Variants in ULK4 observed in about 807,000 individuals in gnomAD.
ULK4 encodes the protein inactive serine/threonine-protein kinase ULK4.
Under a neutral mutation model 160.6 loss-of-function variants are expected in ULK4, and 133 were observed. That is an observed-to-expected ratio of 0.83 (90% CI 0.72 to 0.96). The LOEUF is 0.96. ULK4 is among the 40% of genes least tolerant of loss of function. ULK4 has a pLI of 0.00. For synonymous variants in ULK4, 534 were observed against 539.8 expected (o/e 0.99, Z 0.15); for missense variants, 1,580 against 1,499.5 (o/e 1.05, Z -0.89).
chr3:41,911,769 C>G (rs563436302), intron 9 of ULK4, 110 bp from the exon 10 acceptor site: 1 of 802,300 alleles, frequency 1.2e-6, no homozygotes, highest in Admixed American at 2.3e-5. Flanking sequence ...TGACATTTAG[C>G]AAAGTTACAG....
intron 30 of ULK4, among the ~76,000 whole-genome samples, chr3:41,656,519 A>C (rs2034941890): frequency 1.3e-5 from 2 of 152,244 alleles, no homozygotes; most frequent in African/African-American, 4.8e-5. Flanking sequence ...TTAGAGTAAG[A>C]ACTTTCTTAT....
intron 32 of ULK4, among the ~76,000 whole-genome samples, chr3:41,499,510 A>G (rs866547426): frequency 6.6e-6 from 1 of 152,220 alleles, no homozygotes; most frequent in South Asian, 2.1e-4. Context: ...ATTGATCGGC[A>G]CAAAATACGT....
chr3:41,564,043 T>C (rs2125599295), intron 32 of ULK4, among the ~76,000 whole-genome samples: 1 of 152,280 alleles, frequency 6.6e-6, no homozygotes, highest in African/African-American at 2.4e-5. Flanking sequence ...AGATAGGGTT[T>C]TGGTGTAGAT....
In ULK4 at chr3:41,380,865, C is replaced by T. The variant is rs118008253; in HGVS notation, c.3678+17214G>A. ...TTATCCTCAGTCTCTTTCCAGGATG[C>T]GCCATTCACTTTGCTGTAACTGAAA... On this transcript the variant is annotated intron_variant, in intron 35 of 36. Transcript: ENST00000301831. Among the ~76,000 whole-genome samples the T allele has an allele frequency of 1.2e-4, 18 of 152,260 alleles. No homozygotes were observed. In the East Asian group the frequency reaches 3.3e-3, roughly 28 times the overall value.
chr3:41,940,312 T>C (rs1699910576), intron 2 of ULK4, among the ~76,000 whole-genome samples: 1 of 152,150 alleles, frequency 6.6e-6, no homozygotes, highest in Non-Finnish European at 1.5e-5. Context: ...GAGATTGGAT[T>C]TGAGACTGAG....
chr3:41,466,333 G>T (rs2083833606), intron 32 of ULK4, among the ~76,000 whole-genome samples: 1 of 152,034 alleles, frequency 6.6e-6, no homozygotes, highest in Non-Finnish European at 1.5e-5. Context: ...GTCTCTTTAA[G>T]AAAAATGAGT....
At position 41,598,522 on chromosome 3, in the gene ULK4, A is replaced by G. The variant is rs537991912; in HGVS notation, c.3120+17147T>C. 5.8e-4 allele frequency among the ~76,000 whole-genome samples: 88 copies of G among 152,340 alleles called. 3 individuals carry two copies. In the South Asian group the frequency reaches 0.018, roughly 32 times the overall value. ...TACAACGAAACCTAGAAATTGCCAC[A>G]GTTATATGGCACAGCAGGAATTCTT... is the stretch of plus-strand genomic sequence containing the variant. On this transcript the variant is annotated intron_variant, in intron 31 of 36. Transcript: ENST00000301831.
chr3:41,472,573 G>GA (rs796797629), intron 32 of ULK4, among the ~76,000 whole-genome samples: 1,373 of 89,538 alleles, frequency 0.015, 17 homozygotes, highest in Middle Eastern at 0.043. Flanking sequence ...TCAAAAAAAA[G>GA]AAAAAAAAAA....
chr3:41,398,375 G>A, intron 34 of ULK4, 111 bp from the exon 35 acceptor site: 1 of 1,060,152 alleles, frequency 9.4e-7, no homozygotes, highest in Non-Finnish European at 1.3e-6. Context: ...GTAGTCTGCT[G>A]AATACTTTTT....
chr3:41,564,646 A>G (rs905566613), intron 32 of ULK4, among the ~76,000 whole-genome samples: 3 of 151,638 alleles, frequency 2.0e-5, no homozygotes, highest in East Asian at 1.9e-4. Flanking sequence ...TTTAGTAGAG[A>G]TGGGGTTTTA....
intron 34 of ULK4, among the ~76,000 whole-genome samples, chr3:41,418,827 C>A (rs1172363231): frequency 6.6e-6 from 1 of 152,176 alleles, no homozygotes; most frequent in Non-Finnish European, 1.5e-5. Flanking sequence ...ACAGGTGAAG[C>A]CCCTCCCTCC....
chr3:41,584,499 G>A (rs753739052), intron 31 of ULK4, among the ~76,000 whole-genome samples: 5 of 151,984 alleles, frequency 3.3e-5, no homozygotes, highest in Non-Finnish European at 7.4e-5. Context: ...ATATTGCCCA[G>A]TGATCTTCAA....
In ULK4 at chr3:41,615,538, A is replaced by G. The variant is rs571534287; in HGVS notation, c.3120+131T>C. 8.4e-4 allele frequency: 654 copies of G among 782,800 alleles called. 1 individual carries two copies. Among genetic ancestry groups the G allele is most frequent in the Non-Finnish European group, 1.3e-3 (610 of 486,656 alleles). 48.5% of individuals were successfully genotyped at this position (782,800 alleles called of 1,614,324 possible). A position where few individuals can be genotyped will look rare whatever the true frequency, so the allele number is the denominator to read the frequency against. Reference sequence around the variant, plus strand: ...AAGAAAGCTGAAGTCCAAGGAGGTTAAGTGTGATGATGATGGACGTACAAT... The same window carrying G: ...AAGAAAGCTGAAGTCCAAGGAGGTTGAGTGTGATGATGATGGACGTACAAT... On this transcript the variant is annotated intron_variant, in intron 31 of 36. Transcript: ENST00000301831.
intron 32 of ULK4, among the ~76,000 whole-genome samples, chr3:41,519,127 G>A (rs1411011136): frequency 6.6e-6 from 1 of 152,152 alleles, no homozygotes; most frequent in Non-Finnish European, 1.5e-5. Context: ...CACTCACTAT[G>A]TCCAGATGTT....
At chr3:41,621,166 T>C (rs1461014884) in intron 30 of ULK4, among the ~76,000 whole-genome samples, 2 of 152,098 alleles carry the variant, frequency 1.3e-5, no homozygotes, top group East Asian at 3.9e-4. Context: ...GAAGAATCAA[T>C]ATCATGAAAA....
chr3:41,814,080 G>A (rs1416104499), intron 19 of ULK4, among the ~76,000 whole-genome samples: 1 of 152,204 alleles, frequency 6.6e-6, no homozygotes, highest in Non-Finnish European at 1.5e-5. Flanking sequence ...CTGCAAACGG[G>A]AGGTTTGTGC....
chr3:41,667,170 A>G (rs2035374336), intron 29 of ULK4, among the ~76,000 whole-genome samples: 1 of 151,880 alleles, frequency 6.6e-6, no homozygotes, highest in African/African-American at 2.4e-5. Flanking sequence ...AAAAAAAGAA[A>G]AACACACACA....
chr3:41,768,456 T>C (rs2125915949), intron 21 of ULK4, among the ~76,000 whole-genome samples: 1 of 152,302 alleles, frequency 6.6e-6, no homozygotes, highest in East Asian at 1.9e-4. Context: ...AATGGTCATG[T>C]AGATTCTACC....
chr3:41,832,900 T>C (rs1379050057), intron 18 of ULK4, among the ~76,000 whole-genome samples: 1 of 152,218 alleles, frequency 6.6e-6, no homozygotes, highest in Admixed American at 6.5e-5. Context: ...TGCATGTCTG[T>C]TTTGTACCAG....
Sources: allele counts gnomAD v4.1 joint callset (sites outside exome capture counted in the v4.1 genomes callset), GRCh38; gene constraint gnomAD v4.1.1; transcripts MANE v1.5; gene names NCBI Gene and HGNC (gene_info 2026-07-23, HGNC 2026-07-21).